The following TYSND1 variants were observed in gnomAD, a reference collection of about 807,000 sequenced individuals.
The protein encoded by TYSND1 is trypsin like peroxisomal matrix peptidase 1, also known as peroxisomal leader peptide-processing protease.
TYSND1 carries 30 observed loss-of-function variants against 37.2 expected under a neutral mutation model. That is an observed-to-expected ratio of 0.81 (90% CI 0.60 to 1.09). TYSND1 has a LOEUF of 1.09. TYSND1 is among the 50% of genes least tolerant of loss of function. The pLI, the probability that TYSND1 is intolerant of heterozygous loss-of-function variation, is 0.00. For synonymous variants in TYSND1, 364 were observed against 383.8 expected (o/e 0.95, Z 0.60); for missense variants, 806 against 817.4 (o/e 0.99, Z 0.17).
In TYSND1 at chr10:70,145,678, G is replaced by T. The variant is rs1839190134; in HGVS notation, c.909C>A (p.Phe303Leu). The change falls in exon 1 of 4, where the codon TTC becomes TTA. Residue 303 changes from phenylalanine to leucine, a missense_variant. This residue lies in a region of TYSND1 where 708 missense variants were observed against 705.4 expected (regional missense o/e 1.00). Coordinates refer to ENST00000287078, the MANE Select transcript of TYSND1 (RefSeq NM_173555.4). ...FTLLCAAAPLFRAARDALHRL... is the reference protein window; with the variant it reads ...FTLLCAAAPLLRAARDALHRL... ...GGTGAAGCGCGTCGCGGGCGGCGCG[G>T]AAAAGGGGGGCGGCGGCGCAGAGCA... is the stretch of plus-strand genomic sequence containing the variant. 5.8e-6 allele frequency: 8 copies of T among 1,387,614 alleles called. No individual in the cohort carries two copies. In the South Asian group the frequency reaches 1.1e-4, roughly 20 times the overall value. 86.0% of individuals were successfully genotyped at this position (1,387,614 alleles called of 1,614,324 possible).
Position 70,145,604 on chromosome 10 carries a change from A to G in TYSND1, c.983T>C (p.Val328Ala). The change falls in exon 1 of 4, where the codon GTG becomes GCG. Residue 328 changes from valine (V) to alanine (A), a missense_variant. Physicochemically the swap from Val to Ala is moderately conservative, Grantham distance 64 (BLOSUM62 0). Around this residue, in one of 3 missense-constraint regions of TYSND1, gnomAD observed 708 missense variants for 705.4 expected, o/e 1.00. Transcript: ENST00000287078. ...GAGGGGCAGACCCCACGGGACGCCC[A>G]CCTCTGGCGGCAGAAGGGCGGCCAG... is the stretch of plus-strand genomic sequence containing the variant. ...AALAALLPPEVGVPWGLPLRD... is the reference protein window; with the variant it reads ...AALAALLPPEAGVPWGLPLRD... The G allele has an allele frequency of 6.9e-7, 1 of 1,440,222 alleles. No individual in the cohort carries two copies. The highest frequency in any genetic ancestry group is 9.1e-7 in the Non-Finnish European group (1 of 1,102,558). 89.2% of individuals were successfully genotyped at this position (1,440,222 alleles called of 1,614,324 possible).
rs748492027 is a variant in TYSND1, at chr10:70,142,825, G to T, written c.1326C>A (p.Gly442=). 1 of 1,613,812 alleles carries T rather than the reference G, an allele frequency of 6.2e-7. No homozygotes were observed. Among genetic ancestry groups the T allele is most frequent in the Non-Finnish European group, 8.5e-7 (1 of 1,179,936 alleles). ...AGGGCCCGCAAGACTGGCCAAAGAC[G>T]CCAAAGCCCACCACACTCACAGCCT... ...EGEAVSVVGF[G]VFGQSCGPSV... is the part of the protein sequence containing the mutation. Residue 442 remains glycine (G), a synonymous_variant, in exon 3 of 4, where the codon GGC becomes GGA. Transcript: ENST00000287078.
rs967393004 is a variant in TYSND1 at position 70,138,144 on chromosome 10, C to G, written c.*1780G>C. 1.3e-5 allele frequency: 2 copies of G among 152,134 alleles called. No individual in the cohort carries two copies. Among genetic ancestry groups the G allele is most frequent in the Non-Finnish European group, 2.9e-5 (2 of 68,026 alleles). 9.4% of individuals were successfully genotyped at this position (152,134 alleles called of 1,614,324 possible). A position where few individuals can be genotyped will look rare whatever the true frequency, so the allele number is the denominator to read the frequency against. ...AGGTGTTCAGCTATCCAGAAGCTCT[C>G]TGAACCCTGTCCTCTTGGGTTTTTA... On this transcript the variant is annotated 3_prime_UTR_variant, in exon 4 of 4. Transcript: ENST00000287078.
chr10:70,145,559 C>G lies in TYSND1; in HGVS notation c.1028G>C (p.Trp343Ser). ...CTCCACCAACACTGCCGCGGCTGCC[C>G]ACAGGGGCCCGGAGTCTCGGAGGGG... ...GLPLRDSGPLWAAAAVLVECG... is the reference protein window; with the variant it reads ...GLPLRDSGPLSAAAAVLVECG... The change falls in exon 1 of 4, where the codon TGG (tryptophan) becomes TCG (serine). Residue 343 changes from tryptophan (W) to serine (S), a missense_variant. Physicochemically the swap from Trp to Ser is radical, Grantham distance 177. Coordinates refer to ENST00000287078, the MANE Select transcript of TYSND1 (RefSeq NM_173555.4). 6.7e-7 allele frequency: 1 copy of G among 1,490,820 alleles called. No homozygotes were observed. The highest frequency in any genetic ancestry group is 1.3e-5 in the South Asian group (1 of 78,792). 92.3% of individuals were successfully genotyped at this position (1,490,820 alleles called of 1,614,324 possible).
rs778933891 is a variant in TYSND1 at position 70,145,564 on chromosome 10, G to A, written c.1023C>T (p.Pro341=). Residue 341 remains proline, a synonymous_variant, in exon 1 of 4, where the codon CCC becomes CCT. Transcript: ENST00000287078. Reference sequence around the variant, plus strand: ...CCAACACTGCCGCGGCTGCCCACAGGGGCCCGGAGTCTCGGAGGGGCAGAC... The same window carrying A: ...CCAACACTGCCGCGGCTGCCCACAGAGGCCCGGAGTCTCGGAGGGGCAGAC... ...PWGLPLRDSG[P]LWAAAAVLVE... is the part of the protein sequence containing the mutation. 2.0e-6 allele frequency: 3 copies of A among 1,487,404 alleles called. No individual in the cohort carries two copies. The highest frequency in any genetic ancestry group is 2.7e-6 in the Non-Finnish European group (3 of 1,124,028). The allele number at this position is 1,487,404 out of a possible 1,614,324, so 92.1% of individuals were successfully genotyped here.
intron 3 of TYSND1, among the ~76,000 whole-genome samples, chr10:70,141,739 A>C (rs2072778538): frequency 6.6e-6 from 1 of 151,966 alleles, no homozygotes; most frequent in African/African-American, 2.4e-5. Context: ...TAATTAAAAA[A>C]AATTTTTTTA....
Position 70,139,972 on chromosome 10 carries a change from C to T in TYSND1, c.1653G>A (p.Val551=). 2 of 1,614,098 alleles carry T rather than the reference C, an allele frequency of 1.2e-6. No homozygotes were observed. Among genetic ancestry groups the T allele is most frequent in the Non-Finnish European group, 1.7e-6 (2 of 1,180,018 alleles). ...CTGCCAGGGGCCGCTGCAACCGCCA[C>T]ACCACCCTGACTGGCTCAGCAGCGC... ...LDRAAEPVRV[V]WRLQRPLAEA... is the part of the protein sequence containing the mutation. The change falls in exon 4 of 4, where the codon GTG becomes GTA. Residue 551 remains valine, a synonymous_variant. Transcript: ENST00000287078.
At chr10:70,144,696 G>A (rs2072848847) in intron 1 of TYSND1, 5 of 985,862 alleles carry the variant, frequency 5.1e-6, no homozygotes, top group South Asian at 4.7e-5. Context: ...AATCTGGTGG[G>A]GGCCACACAC....
chr10:70,142,809 A>G lies in TYSND1; in HGVS notation c.1342T>C (p.Cys448Arg), dbSNP rs747607670. 6.2e-7 allele frequency: 1 copy of G among 1,614,074 alleles called. No individual in the cohort carries two copies. Among genetic ancestry groups the G allele is most frequent in the Non-Finnish European group, 8.5e-7 (1 of 1,180,012 alleles). Residue 448 changes from cysteine (C) to arginine (R), a missense_variant, in exon 3 of 4, where the codon TGC becomes CGC. Transcript: ENST00000287078. Reference protein sequence around the residue: ...VVGFGVFGQSCGPSVTSGILS... With the variant: ...VVGFGVFGQSRGPSVTSGILS... ...ATGCCTGAGGTCACCGAGGGCCCGC[A>G]AGACTGGCCAAAGACGCCAAAGCCC...
At chr10:70,141,332 T>A (rs1159556955) in intron 3 of TYSND1, among the ~76,000 whole-genome samples, 2 of 151,634 alleles carry the variant, frequency 1.3e-5, no homozygotes, top group Non-Finnish European at 2.9e-5. Context: ...TGACCATAGT[T>A]CACTGCAGCC....
In TYSND1 at chr10:70,145,699, G is replaced by A. The variant is rs763364074; in HGVS notation, c.888C>T (p.Leu296=). 2.8e-5 allele frequency: 39 copies of A among 1,407,610 alleles called. 3 individuals are homozygous for A. The South Asian group carries it at 5.0e-4, about 18-fold the overall frequency. The allele number at this position is 1,407,610 out of a possible 1,614,324, so 87.2% of individuals were successfully genotyped here. A position where few individuals can be genotyped will look rare whatever the true frequency, so the allele number is the denominator to read the frequency against. ...CGCGGAAAAGGGGGGCGGCGGCGCA[G>A]AGCAGCGTGAAGCCCACCCATTCGC... ...KAGEWVGFTL[L]CAAAPLFRAA... is the part of the protein sequence containing the mutation. The change falls in exon 1 of 4, where the codon CTC becomes CTT. Residue 296 remains leucine, a synonymous_variant. Transcript: ENST00000287078.
At chr10:70,142,055 G>A (rs1297653023) in intron 3 of TYSND1, among the ~76,000 whole-genome samples, 1 of 152,192 alleles carries the variant, frequency 6.6e-6, no homozygotes. Flanking sequence ...GGAGAAAGAA[G>A]AAACAAGGAG....
chr10:70,145,951 G>C lies in TYSND1; in HGVS notation c.636C>G (p.Ala212=). The C allele has an allele frequency of 6.4e-7, 1 of 1,555,926 alleles. No homozygotes were observed. The highest frequency in any genetic ancestry group is 8.7e-7 in the Non-Finnish European group (1 of 1,151,058). Residue 212 remains alanine, a synonymous_variant, in exon 1 of 4, where the codon GCC becomes GCG. Coordinates refer to ENST00000287078, the MANE Select transcript of TYSND1 (RefSeq NM_173555.4). Reference sequence around the variant, plus strand: ...CCAGCAATGGCGCACCCTTGGGCACGGCCCCGAGAGGCGACACCGCCATGG... The same window carrying C: ...CCAGCAATGGCGCACCCTTGGGCACCGCCCCGAGAGGCGACACCGCCATGG... ...GPAMAVSPLG[A]VPKGAPLLVC...
intron 1 of TYSND1, among the ~76,000 whole-genome samples, chr10:70,145,184 G>A (rs990658646): frequency 6.6e-6 from 1 of 152,180 alleles, no homozygotes; most frequent in African/African-American, 2.4e-5. Context: ...TCCGGATTCA[G>A]GGTGTCCCAC....
In TYSND1 at chr10:70,146,660, G is replaced by A. The variant is rs1050806203; in HGVS notation, c.-74C>T. 4.4e-6 allele frequency: 6 copies of A among 1,368,992 alleles called. No individual in the cohort carries two copies. The highest frequency in any genetic ancestry group is 1.5e-5 in the African/African-American group (1 of 66,228). 84.8% of individuals were successfully genotyped at this position (1,368,992 alleles called of 1,614,324 possible). On this transcript the variant is annotated 5_prime_UTR_variant, in exon 1 of 4. Transcript: ENST00000287078. ...GCGAGCGAGGACCCCTACCCGGTCC[G>A]GCTGAAGCTGCCTAGCGCCACCCAC...
chr10:70,139,928 A>C lies in TYSND1; in HGVS notation c.1697T>G (p.Leu566Arg). 1 of 1,612,202 alleles carries C rather than the reference A, an allele frequency of 6.2e-7. No individual in the cohort carries two copies. The highest frequency in any genetic ancestry group is 1.1e-5 in the South Asian group (1 of 90,976). Residue 566 changes from leucine (L) to arginine (R), a missense_variant, in exon 4 of 4, where the codon CTC becomes CGC. Transcript: ENST00000287078. Reference protein sequence around the residue: ...RPLAEAPRSKL With the variant: ...RPLAEAPRSKR Reference sequence around the variant, plus strand: ...TCCAAAGGTGGTAACACAGCCTCAGAGCTTGCTCCGCGGGGCCTCTGCCAG... The same window carrying C: ...TCCAAAGGTGGTAACACAGCCTCAGCGCTTGCTCCGCGGGGCCTCTGCCAG...
At position 70,139,866 on chromosome 10, in the gene TYSND1, A is replaced by G; in HGVS notation, c.*58T>C. 3 of 1,537,596 alleles carry G rather than the reference A, an allele frequency of 2.0e-6. No homozygotes were observed. Among genetic ancestry groups the G allele is most frequent in the Non-Finnish European group, 2.7e-6 (3 of 1,130,134 alleles). ...GAATCCTGAGGCCACCGTCACCTCA[A>G]CATCACTTCCTACAGCAGAAAAAGG... On this transcript the variant is annotated 3_prime_UTR_variant, in exon 4 of 4. Coordinates refer to ENST00000287078, the MANE Select transcript of TYSND1 (RefSeq NM_173555.4).
rs963179842 is a variant in TYSND1, at chr10:70,146,257, G to A, written c.330C>T (p.Cys110=). 1 of 1,479,518 alleles carries A rather than the reference G, an allele frequency of 6.8e-7. No individual in the cohort carries two copies. Among genetic ancestry groups the A allele is most frequent in the African/African-American group, 1.4e-5 (1 of 69,842 alleles). 91.6% of individuals were successfully genotyped at this position (1,479,518 alleles called of 1,614,324 possible). Residue 110 remains cysteine (C), a synonymous_variant, in exon 1 of 4, where the codon TGC becomes TGT. Transcript: ENST00000287078. The stretch of plus-strand genomic sequence containing the variant: ...CAGGTGGGCCGGGCTCGAGGCTCGC[G>A]CACTGGGGCGTGCACAGCCCTGGGC... ...RGRPGLCTPQ[C]ASLEPGPPAP... is the part of the protein sequence containing the mutation.
At chr10:70,140,561 C>T (rs1463822661) in intron 3 of TYSND1, among the ~76,000 whole-genome samples, 1 of 151,856 alleles carries the variant, frequency 6.6e-6, no homozygotes, top group Non-Finnish European at 1.5e-5. Flanking sequence ...GAATCAGACC[C>T]ACAGACATAT....
Sources: gnomAD v4.1 joint callset for allele counts (sites outside exome capture counted in the v4.1 genomes callset) on GRCh38, gnomAD v4.1.1 for gene constraint, gnomAD v4.1.1 regional missense constraint, MANE v1.5 for transcripts, NCBI Gene and HGNC (gene_info 2026-07-23, HGNC 2026-07-21) for gene names.